Variants in CNTNAP2 observed in about 807,000 individuals in gnomAD.
CNTNAP2 encodes the protein contactin associated protein 2, also known as contactin-associated protein-like 2.
CNTNAP2 carries 98 observed loss-of-function variants against 155.2 expected under a neutral mutation model. That is an observed-to-expected ratio of 0.63 (90% CI 0.54 to 0.75). CNTNAP2 has a LOEUF of 0.75. Among genes scored for constraint, CNTNAP2 ranks in the 30% least tolerant of loss-of-function variants. The pLI is 0.00. For missense variants in CNTNAP2, 1,727 were observed against 1,688.1 expected, an observed-to-expected ratio of 1.02 and a Z score of -0.40; for synonymous variants, 651 against 631.2, an observed-to-expected ratio of 1.03 and a Z score of -0.47.
At chr7:148,413,401 A>AAAAAATATATATATATATAT (rs1442990213) in intron 23 of CNTNAP2, among the ~76,000 whole-genome samples, 1 of 45,366 alleles carries the variant, frequency 2.2e-5, no homozygotes, top group African/African-American at 1.3e-4. Context: ...TCAAAAAAAA[A>AAAAAATATATATATATATAT]ATATATATAT....
At position 146,864,635 on chromosome 7, in the gene CNTNAP2, G is replaced by A. The variant is rs548779858; in HGVS notation, c.402+24731G>A. On this transcript the variant is annotated intron_variant, in intron 3 of 23. Coordinates refer to ENST00000361727, the MANE Select transcript of CNTNAP2 (RefSeq NM_014141.6). ...GAATAGAAGAAGTAGGCCTGTCTGTGTTCATAGATGACATAATAATTTATT... is the reference window on the plus strand; with the variant it reads ...GAATAGAAGAAGTAGGCCTGTCTGTATTCATAGATGACATAATAATTTATT... Among the ~76,000 whole-genome samples, 3 of 152,262 alleles carry A rather than the reference G, an allele frequency of 2.0e-5. No homozygotes were observed. In the South Asian group the frequency reaches 6.2e-4, roughly 32 times the overall value.
chr7:147,474,106 A>G (rs1352989702), intron 10 of CNTNAP2, among the ~76,000 whole-genome samples: 1 of 152,036 alleles, frequency 6.6e-6, no homozygotes, highest in Non-Finnish European at 1.5e-5. Flanking sequence ...AAAATAAAAA[A>G]TAAAAAATAA....
intron 12 of CNTNAP2, among the ~76,000 whole-genome samples, chr7:147,602,445 A>G (rs1218774809): frequency 6.6e-6 from 1 of 151,966 alleles, no homozygotes; most frequent in Non-Finnish European, 1.5e-5. Context: ...AATTAATATA[A>G]AAGTTTATTA....
intron 1 of CNTNAP2, among the ~76,000 whole-genome samples, chr7:146,168,922 A>G (rs542561020): frequency 5.3e-5 from 8 of 152,170 alleles, no homozygotes; most frequent in Non-Finnish European, 1.0e-4. Context: ...AAATGCCTAC[A>G]TTACCTCTTC....
chr7:146,571,143 A>G (rs1286581503), intron 1 of CNTNAP2, among the ~76,000 whole-genome samples: 2 of 152,090 alleles, frequency 1.3e-5, no homozygotes, highest in African/African-American at 4.8e-5. Flanking sequence ...CATCGGCTCT[A>G]TTAGACTTTT....
intron 13 of CNTNAP2, among the ~76,000 whole-genome samples, chr7:147,797,931 G>T (rs1010089692): frequency 2.0e-5 from 3 of 152,116 alleles, no homozygotes; most frequent in African/African-American, 7.2e-5. Context: ...TAAATCTTCA[G>T]TATCAATAAT....
intron 8 of CNTNAP2, among the ~76,000 whole-genome samples, chr7:147,172,744 G>T (rs555416663): frequency 1.3e-5 from 2 of 152,198 alleles, no homozygotes; most frequent in African/African-American, 4.8e-5. Context: ...CTAAACTCAA[G>T]GATCTAAAAT....
intron 11 of CNTNAP2, among the ~76,000 whole-genome samples, chr7:147,550,488 T>C (rs1402234390): frequency 3.3e-5 from 5 of 152,216 alleles, no homozygotes; most frequent in Non-Finnish European, 7.3e-5. Context: ...TCCCCAGCTA[T>C]GTGGAACTGG....
At chr7:147,978,135 G>C (rs993413153) in intron 15 of CNTNAP2, 146 bp downstream of exon 15, 17 of 1,161,154 alleles carry the variant, frequency 1.5e-5, no homozygotes, top group Admixed American at 2.0e-5. Context: ...ATAACTTAGA[G>C]GAGGGGAACA....
chr7:146,194,297 A>G (rs925453477), intron 1 of CNTNAP2, among the ~76,000 whole-genome samples: 3 of 152,194 alleles, frequency 2.0e-5, no homozygotes, highest in Non-Finnish European at 2.9e-5. Flanking sequence ...GTAATTTATA[A>G]AGGAAAGATG....
chr7:146,536,101 C>G (rs1392222647), intron 1 of CNTNAP2, among the ~76,000 whole-genome samples: 1 of 152,094 alleles, frequency 6.6e-6, no homozygotes, highest in Admixed American at 6.6e-5. Flanking sequence ...AAAAAGCAGA[C>G]ACATGTGATT....
intron 15 of CNTNAP2, among the ~76,000 whole-genome samples, chr7:148,071,571 C>T (rs539230357): frequency 2.0e-5 from 3 of 152,194 alleles, no homozygotes; most frequent in Middle Eastern, 3.4e-3. Context: ...GAGGAAGGTG[C>T]GAATCATCTG....
chr7:146,298,177 G>A (rs1800546573), intron 1 of CNTNAP2, among the ~76,000 whole-genome samples: 1 of 152,186 alleles, frequency 6.6e-6, no homozygotes, highest in South Asian at 2.1e-4. Context: ...ACTTTGTGAA[G>A]AGCCACTATT....
intron 21 of CNTNAP2, among the ~76,000 whole-genome samples, chr7:148,296,153 A>G (rs1346593454): frequency 1.3e-5 from 2 of 152,170 alleles, no homozygotes; most frequent in Admixed American, 6.6e-5. Context: ...GTATCTCTTC[A>G]TGAAGCTTTC....
At chr7:147,568,671 T>C (rs1003924418) in intron 12 of CNTNAP2, among the ~76,000 whole-genome samples, 8 of 152,150 alleles carry the variant, frequency 5.3e-5, no homozygotes, top group Admixed American at 5.2e-4. Flanking sequence ...ATCTTATATT[T>C]TCAGTATCAA....
intron 4 of CNTNAP2, among the ~76,000 whole-genome samples, chr7:147,102,191 C>T (rs1800670111): frequency 6.7e-6 from 1 of 148,170 alleles, no homozygotes; most frequent in Non-Finnish European, 1.5e-5. Context: ...CATTGCACCT[C>T]AAATGAACTC....
At chr7:147,586,559 G>A (rs78397505) in intron 12 of CNTNAP2, among the ~76,000 whole-genome samples, 7,259 of 38,356 alleles carry the variant, frequency 0.19, 484 homozygotes, top group East Asian at 0.31. Context: ...GGGAGGGAGG[G>A]AGGGAGGGAG....
At chr7:147,647,084 G>A (rs1795377077) in intron 13 of CNTNAP2, among the ~76,000 whole-genome samples, 1 of 151,336 alleles carries the variant, frequency 6.6e-6, no homozygotes, top group South Asian at 2.1e-4. Flanking sequence ...GGGTTCAAGT[G>A]ATTCGTGATT....
chr7:147,607,217 G>GGAGTTCA (rs1801086244), intron 12 of CNTNAP2, among the ~76,000 whole-genome samples: 1 of 151,532 alleles, frequency 6.6e-6, no homozygotes, highest in African/African-American at 2.4e-5. Context: ...TTCTTCCAAG[G>GGAGTTCA]GAAGTTCAGA....
Sources: allele counts gnomAD v4.1 joint callset (sites outside exome capture counted in the v4.1 genomes callset), GRCh38; gene constraint gnomAD v4.1.1; transcripts MANE v1.5; gene names NCBI Gene and HGNC (gene_info 2026-07-23, HGNC 2026-07-21).